The following PFDN1 variants were observed in gnomAD, a reference collection of about 807,000 sequenced individuals.
PFDN1 encodes the protein prefoldin 1.
A neutral mutation model predicts 17.3 loss-of-function variants in PFDN1; 6 were observed. The observed-to-expected ratio is 0.35, with a 90% CI of 0.19 to 0.69. The LOEUF (loss-of-function observed/expected upper bound fraction) is 0.69. Ranked by LOEUF, PFDN1 falls within the 30% of genes least tolerant of loss-of-function variation. The pLI is 0.65. For synonymous variants in PFDN1, 58 were observed against 50.1 expected (o/e 1.16, Z -0.67); for missense variants, 113 against 146.2 (o/e 0.77, Z 1.17).
In PFDN1 at chr5:140,273,244, C is replaced by CAAAA. The variant is rs1204221243; in HGVS notation, c.285+8201_285+8204dup. Among the ~76,000 whole-genome samples, 226 of 67,242 alleles carry CAAAA rather than the reference C, an allele frequency of 3.4e-3. 1 individual carries two copies. The highest frequency in any genetic ancestry group is 3.9e-3 in the Non-Finnish European group (131 of 33,488). The allele number at this position is 67,242 out of a possible 152,430, so 44.1% of individuals were successfully genotyped here. The stretch of plus-strand genomic sequence containing the variant: ...TGGGCAACAGAGCAAGACTCCATCT[C>CAAAA]AAAAAAAAAAAAAAAAAGAGAAAAA... On this transcript the variant is annotated intron_variant, in intron 3 of 3. Coordinates refer to ENST00000261813, the MANE Select transcript of PFDN1 (RefSeq NM_002622.5).
intron 3 of PFDN1, among the ~76,000 whole-genome samples, chr5:140,257,972 G>T (rs1029576054): frequency 6.6e-6 from 1 of 152,166 alleles, no homozygotes; most frequent in Non-Finnish European, 1.5e-5. Context: ...AGGTGAGAGT[G>T]GGGAGAGAGT....
At chr5:140,260,035 G>C (rs952757621) in intron 3 of PFDN1, among the ~76,000 whole-genome samples, 2 of 152,032 alleles carry the variant, frequency 1.3e-5, no homozygotes, top group Non-Finnish European at 2.9e-5. Flanking sequence ...ATACCAACTA[G>C]GATGGCTATA....
chr5:140,257,293 G>A (rs1447237596), intron 3 of PFDN1, among the ~76,000 whole-genome samples: 1 of 150,930 alleles, frequency 6.6e-6, no homozygotes, highest in Non-Finnish European at 1.5e-5. Context: ...CTTTAACCAA[G>A]GTGCTCAGGC....
chr5:140,257,462 G>A (rs1765005019), intron 3 of PFDN1, among the ~76,000 whole-genome samples: 1 of 152,118 alleles, frequency 6.6e-6, no homozygotes, highest in South Asian at 2.1e-4. Flanking sequence ...GTTCTTCCTT[G>A]AGATACTTTT....
intron 2 of PFDN1, among the ~76,000 whole-genome samples, chr5:140,288,118 C>A (rs1047832887): frequency 2.0e-5 from 3 of 152,226 alleles, no homozygotes; most frequent in African/African-American, 4.8e-5. Flanking sequence ...CAAATGTTTA[C>A]AGCTGCTTCA....
At chr5:140,295,272 T>C (rs1765635932) in intron 2 of PFDN1, among the ~76,000 whole-genome samples, 1 of 152,084 alleles carries the variant, frequency 6.6e-6, no homozygotes, top group Non-Finnish European at 1.5e-5. Flanking sequence ...CTTTCAAATA[T>C]AATTCTTATT....
At chr5:140,302,515 A>AG (rs1200664457) in intron 1 of PFDN1, among the ~76,000 whole-genome samples, 3 of 152,066 alleles carry the variant, frequency 2.0e-5, no homozygotes, top group African/African-American at 7.3e-5. Context: ...AAAGAAGTGG[A>AG]GGGGGGGCAA....
At chr5:140,262,827 T>C (rs369060936) in intron 3 of PFDN1, among the ~76,000 whole-genome samples, 6 of 152,142 alleles carry the variant, frequency 3.9e-5, no homozygotes, top group African/African-American at 1.4e-4. Flanking sequence ...TACAAAATGC[T>C]AACATTTGTT....
chr5:140,292,015 GC>G (rs1765589119), intron 2 of PFDN1, among the ~76,000 whole-genome samples: 1 of 152,118 alleles, frequency 6.6e-6, no homozygotes, highest in African/African-American at 2.4e-5. Context: ...AAAAATTACT[GC>G]CTATTTTTAA....
At chr5:140,286,868 G>T (rs925999482) in intron 2 of PFDN1, among the ~76,000 whole-genome samples, 1 of 152,060 alleles carries the variant, frequency 6.6e-6, no homozygotes, top group African/African-American at 2.4e-5. Flanking sequence ...GCCTCCCAAA[G>T]AGCTGGGATT....
At chr5:140,280,389 CACA>C (rs1765382260) in intron 3 of PFDN1, among the ~76,000 whole-genome samples, 1 of 152,168 alleles carries the variant, frequency 6.6e-6, no homozygotes, top group Admixed American at 6.5e-5. Flanking sequence ...TAAAATAGGA[CACA>C]ACAACAATCT....
At chr5:140,285,179 T>C (rs934706391) in intron 2 of PFDN1, among the ~76,000 whole-genome samples, 1 of 152,088 alleles carries the variant, frequency 6.6e-6, no homozygotes, top group Non-Finnish European at 1.5e-5. Flanking sequence ...TAAAAACGTA[T>C]CCTATTAGCA....
chr5:140,255,122 A>T (rs1764966067), intron 3 of PFDN1, among the ~76,000 whole-genome samples: 1 of 152,194 alleles, frequency 6.6e-6, no homozygotes, highest in South Asian at 2.1e-4. Flanking sequence ...GCTCTCCAAA[A>T]TAACTATTTC....
At chr5:140,269,738 A>G (rs2126685343) in intron 3 of PFDN1, among the ~76,000 whole-genome samples, 1 of 152,346 alleles carries the variant, frequency 6.6e-6, no homozygotes, top group African/African-American at 2.4e-5. Flanking sequence ...AAACTCAGAA[A>G]AAGACCAAGG....
intron 3 of PFDN1, among the ~76,000 whole-genome samples, chr5:140,275,251 C>CA (rs1459290498): frequency 2.0e-5 from 3 of 151,390 alleles, no homozygotes; most frequent in Non-Finnish European, 2.9e-5. Context: ...ACTAAAAATA[C>CA]AAAAAAAATT....
intron 3 of PFDN1, among the ~76,000 whole-genome samples, chr5:140,273,382 G>C (rs1032486274): frequency 7.9e-5 from 12 of 152,222 alleles, no homozygotes; most frequent in African/African-American, 2.6e-4. Context: ...AGTACTTAGG[G>C]CAAAACTGGA....
chr5:140,249,010 G>C (rs1464750645), intron 3 of PFDN1, among the ~76,000 whole-genome samples: 1 of 152,108 alleles, frequency 6.6e-6, no homozygotes, highest in East Asian at 1.9e-4. Flanking sequence ...TTTCTTAAAA[G>C]AAAAAATTCC....
intron 2 of PFDN1, among the ~76,000 whole-genome samples, chr5:140,284,931 G>C (rs1765461983): frequency 6.6e-6 from 1 of 152,130 alleles, no homozygotes; most frequent in Non-Finnish European, 1.5e-5. Context: ...TTGATTATTT[G>C]AGAAACATCA....
chr5:140,302,314 G>A (rs1342135642), intron 1 of PFDN1, among the ~76,000 whole-genome samples: 1 of 152,194 alleles, frequency 6.6e-6, no homozygotes, highest in African/African-American at 2.4e-5. Flanking sequence ...CATTAGTGGT[G>A]TTAGAATGCT....
Sources: allele counts gnomAD v4.1 joint callset (sites outside exome capture counted in the v4.1 genomes callset), GRCh38; gene constraint gnomAD v4.1.1; transcripts MANE v1.5; gene names NCBI Gene and HGNC (gene_info 2026-07-23, HGNC 2026-07-21).